Variants in CSMD1 observed in about 807,000 individuals in gnomAD.
The protein encoded by CSMD1 is CUB and sushi domain-containing protein 1.
Under a neutral mutation model 417.5 loss-of-function variants are expected in CSMD1, and 213 were observed. The ratio of observed to expected loss-of-function variants is 0.51; its 90% CI spans 0.46 to 0.57. The LOEUF is 0.57. Ranked by LOEUF, CSMD1 falls within the 20% of genes least tolerant of loss-of-function variation. CSMD1 has a pLI of 0.00. For missense variants in CSMD1, 6,923 were observed against 4,529.7 expected, an observed-to-expected ratio of 1.53 and a Z score of -15.17; for synonymous variants, 2,862 against 1,736.8, an observed-to-expected ratio of 1.65 and a Z score of -16.11.
chr8:4,072,362 A>G (rs1052332273), intron 3 of CSMD1, among the ~76,000 whole-genome samples: 1 of 152,200 alleles, frequency 6.6e-6, no homozygotes, highest in African/African-American at 2.4e-5. Context: ...CTAGTTTTCA[A>G]TAATAGCTAC....
chr8:3,831,335 C>G (rs1306174722), intron 5 of CSMD1, among the ~76,000 whole-genome samples: 1 of 152,142 alleles, frequency 6.6e-6, no homozygotes, highest in African/African-American at 2.4e-5. Context: ...CCATCTGTCT[C>G]CTTCTGGAAT....
chr8:4,314,603 TCA>T (rs10610837), intron 3 of CSMD1, among the ~76,000 whole-genome samples: 138,724 of 150,456 alleles, frequency 0.92, 64,189 homozygotes, highest in Non-Finnish European at 0.96. Context: ...TATTACATTT[TCA>T]CACACACACA....
rs150494460 is a variant in CSMD1 at position 3,089,063 on chromosome 8, C to A, written c.7286-1778G>T. Among the ~76,000 whole-genome samples the A allele has an allele frequency of 9.7e-4, 147 of 152,282 alleles. 1 individual carries two copies. The highest frequency in any genetic ancestry group is 3.4e-3 in the Middle Eastern group (1 of 294). On this transcript the variant is annotated intron_variant, in intron 48 of 69. Transcript: ENST00000635120. ...CTTTCCTAACTCACTTAGGATAAGA[C>A]ATGAAGGGCCCTACAGGGGAAACCA...
intron 10 of CSMD1, among the ~76,000 whole-genome samples, chr8:3,573,376 G>A (rs1055831226): frequency 1.3e-5 from 2 of 152,010 alleles, no homozygotes; most frequent in African/African-American, 4.8e-5. Context: ...GAAAAAACAA[G>A]GTTTGTACCA....
chr8:3,719,339 C>T (rs992974286), intron 6 of CSMD1, among the ~76,000 whole-genome samples: 1 of 152,090 alleles, frequency 6.6e-6, no homozygotes, highest in Admixed American at 6.6e-5. Context: ...CTGAAATGTT[C>T]TGAAATCCTG....
At chr8:4,446,048 AAG>A (rs1413444423) in intron 2 of CSMD1, among the ~76,000 whole-genome samples, 10 of 152,124 alleles carry the variant, frequency 6.6e-5, no homozygotes, top group African/African-American at 2.4e-4. Flanking sequence ...ACAGCCCAAG[AAG>A]AGGAGACGAG....
At chr8:4,081,262 G>C (rs1800115369) in intron 3 of CSMD1, among the ~76,000 whole-genome samples, 1 of 152,140 alleles carries the variant, frequency 6.6e-6, no homozygotes, top group African/African-American at 2.4e-5. Context: ...AGCTCATTTT[G>C]AAATACGCCC....
At chr8:3,708,884 A>G (rs1801332331) in intron 6 of CSMD1, among the ~76,000 whole-genome samples, 1 of 152,172 alleles carries the variant, frequency 6.6e-6, no homozygotes, top group Non-Finnish European at 1.5e-5. Context: ...TAATCATGAA[A>G]AAAAGTTTAG....
chr8:4,428,082 G>C (rs1457216432), intron 2 of CSMD1, among the ~76,000 whole-genome samples: 1 of 152,102 alleles, frequency 6.6e-6, no homozygotes, highest in African/African-American at 2.4e-5. Context: ...TTTCATATCA[G>C]ACAATATCAA....
chr8:4,845,335 G>T (rs1054913083), intron 1 of CSMD1, among the ~76,000 whole-genome samples: 1 of 152,182 alleles, frequency 6.6e-6, no homozygotes, highest in Non-Finnish European at 1.5e-5. Flanking sequence ...GTAGACACTA[G>T]CTAGCCAGGG....
chr8:3,549,867 A>G (rs1419237249), intron 10 of CSMD1, among the ~76,000 whole-genome samples: 2 of 152,216 alleles, frequency 1.3e-5, no homozygotes, highest in East Asian at 1.9e-4. Flanking sequence ...GTGGAGTAAC[A>G]TATGCTCCAA....
intron 12 of CSMD1, among the ~76,000 whole-genome samples, chr8:3,435,254 T>G (rs1351358043): frequency 6.6e-6 from 1 of 152,184 alleles, no homozygotes; most frequent in Non-Finnish European, 1.5e-5. Context: ...TCCCTGACAG[T>G]TAATATGTGT....
At chr8:4,638,743 A>G (rs1448021640) in intron 1 of CSMD1, among the ~76,000 whole-genome samples, 1 of 152,172 alleles carries the variant, frequency 6.6e-6, no homozygotes, top group Non-Finnish European at 1.5e-5. Flanking sequence ...TGGAATTGGG[A>G]TCACCCTGAG....
At chr8:4,733,446 G>A (rs1046884828) in intron 1 of CSMD1, among the ~76,000 whole-genome samples, 4 of 152,114 alleles carry the variant, frequency 2.6e-5, no homozygotes, top group South Asian at 2.1e-4. Context: ...GGTAGGTGTC[G>A]GAGAAGGAGC....
intron 2 of CSMD1, among the ~76,000 whole-genome samples, chr8:4,443,960 T>C (rs752665272): frequency 3.3e-5 from 5 of 152,138 alleles, no homozygotes; most frequent in Non-Finnish European, 7.3e-5. Context: ...TGTGATATAA[T>C]TACCTGTGAT....
rs527870388 is a variant in CSMD1 at position 4,697,139 on chromosome 8, T to C, written c.86-59581A>G. On this transcript the variant is annotated intron_variant, in intron 1 of 69. Transcript: ENST00000635120. ...GTGAGCCGAGATCGCGCCACTGCAC[T>C]ACAGCCTGGGCAACAGAATGAGACT... 8.5e-5 allele frequency among the ~76,000 whole-genome samples: 13 copies of C among 152,208 alleles called. No individual in the cohort carries two copies. The East Asian group carries it at 2.3e-3, about 27-fold the overall frequency.
chr8:3,807,328 T>C (rs1255146445), intron 5 of CSMD1, among the ~76,000 whole-genome samples: 3 of 152,144 alleles, frequency 2.0e-5, no homozygotes, highest in African/African-American at 7.2e-5. Flanking sequence ...GTTTTGTACT[T>C]GACAAAGAGA....
At chr8:3,822,133 A>G (rs1049789921) in intron 5 of CSMD1, among the ~76,000 whole-genome samples, 3 of 152,032 alleles carry the variant, frequency 2.0e-5, no homozygotes, top group African/African-American at 4.8e-5. Context: ...TTTCTTTAAG[A>G]GCAAAGACGG....
At chr8:4,761,761 G>A (rs1282014618) in intron 1 of CSMD1, among the ~76,000 whole-genome samples, 1 of 152,086 alleles carries the variant, frequency 6.6e-6, no homozygotes, top group Non-Finnish European at 1.5e-5. Flanking sequence ...TACTGAGCAT[G>A]TAACTTGTTT....
Sources: gnomAD v4.1 joint callset for allele counts (sites outside exome capture counted in the v4.1 genomes callset) on GRCh38, gnomAD v4.1.1 for gene constraint, MANE v1.5 for transcripts, NCBI Gene and HGNC (gene_info 2026-07-23, HGNC 2026-07-21) for gene names.